KLHL1: variants seen among roughly 807,000 people sequenced by gnomAD.
KLHL1 encodes the protein kelch like family member 1.
In KLHL1, 47 loss-of-function variants were observed where a neutral mutation model predicts 77.7. That is an observed-to-expected ratio of 0.60 (90% CI 0.48 to 0.77). The LOEUF is 0.77. Ranked by LOEUF, KLHL1 falls within the 30% of genes least tolerant of loss-of-function variation. KLHL1 has a pLI of 0.00. For synonymous variants in KLHL1, 360 were observed against 325.2 expected (o/e 1.11, Z -1.15); for missense variants, 925 against 910.8 (o/e 1.02, Z -0.20).
At chr13:69,934,706 T>C (rs2138287879) in intron 4 of KLHL1, among the ~76,000 whole-genome samples, 1 of 151,816 alleles carries the variant, frequency 6.6e-6, no homozygotes, top group South Asian at 2.1e-4. Flanking sequence ...ACCTCTCTTC[T>C]TGTCCCTCTC....
intron 7 of KLHL1, among the ~76,000 whole-genome samples, chr13:69,744,664 C>A (rs1042959820): frequency 2.6e-5 from 4 of 151,744 alleles, no homozygotes; most frequent in East Asian, 1.9e-4. Flanking sequence ...GTACACCCCC[C>A]CCAAAAGCTA....
intron 7 of KLHL1, among the ~76,000 whole-genome samples, chr13:69,761,677 G>A (rs752046071): frequency 8.5e-5 from 13 of 152,098 alleles, no homozygotes; most frequent in African/African-American, 2.7e-4. Flanking sequence ...CAATGATAAC[G>A]CATTTAATAA....
chr13:69,893,668 A>G (rs1424481179), intron 4 of KLHL1, among the ~76,000 whole-genome samples: 2 of 152,240 alleles, frequency 1.3e-5, no homozygotes, highest in Non-Finnish European at 2.9e-5. Flanking sequence ...AAGTTGGTAC[A>G]AAACATAAAT....
chr13:69,827,987 G>T (rs1301109799), intron 6 of KLHL1, among the ~76,000 whole-genome samples: 1 of 150,114 alleles, frequency 6.7e-6, no homozygotes, highest in African/African-American at 2.5e-5. Context: ...TTGGAAGAAG[G>T]TATTTGTAAT....
At chr13:69,998,085 T>C (rs1192489145) in intron 1 of KLHL1, among the ~76,000 whole-genome samples, 1 of 152,042 alleles carries the variant, frequency 6.6e-6, no homozygotes, top group South Asian at 2.1e-4. Context: ...CAAGTTTTGA[T>C]AGGTCCTTTA....
At chr13:69,812,941 A>C (rs1380263796) in intron 6 of KLHL1, among the ~76,000 whole-genome samples, 3 of 146,216 alleles carry the variant, frequency 2.1e-5, no homozygotes, top group Non-Finnish European at 4.5e-5. Flanking sequence ...CTAGAACTAG[A>C]AATACCATTT....
rs540553349 is a variant in KLHL1, at chr13:70,081,225, G to C, written c.497+25978C>G. ...CAACTCTAGGTAACTGGTACCACTG[G>C]CTCATTAACTTTCTACTGTTGTATA... is the stretch of plus-strand genomic sequence containing the variant. On this transcript the variant is annotated intron_variant, in intron 1 of 10. Coordinates refer to ENST00000377844, the MANE Select transcript of KLHL1 (RefSeq NM_020866.3). Among the ~76,000 whole-genome samples, 4 of 152,182 alleles carry C rather than the reference G, an allele frequency of 2.6e-5. No individual in the cohort carries two copies. The South Asian group carries it at 8.3e-4, about 32-fold the overall frequency.
At chr13:69,858,567 C>T (rs1425261402) in intron 5 of KLHL1, among the ~76,000 whole-genome samples, 2 of 151,954 alleles carry the variant, frequency 1.3e-5, no homozygotes, top group Non-Finnish European at 2.9e-5. Context: ...TATCATGTTC[C>T]TGCCCATGAT....
intron 4 of KLHL1, among the ~76,000 whole-genome samples, chr13:69,896,670 ATT>A (rs555215455): frequency 1.3e-4 from 19 of 143,510 alleles, no homozygotes; most frequent in South Asian, 2.3e-4. Context: ...AAGTATTAAA[ATT>A]TTTTTTTTTT....
chr13:70,063,100 A>G (rs1270102771), intron 1 of KLHL1, among the ~76,000 whole-genome samples: 1 of 152,092 alleles, frequency 6.6e-6, no homozygotes, highest in African/African-American at 2.4e-5. Flanking sequence ...ATTCCCCTGA[A>G]CAGAACCCAG....
Position 69,817,853 on chromosome 13 carries a change from T to G in KLHL1, c.1415-20891A>C, listed in dbSNP as rs1193073115. 2.0e-5 allele frequency among the ~76,000 whole-genome samples: 3 copies of G among 152,218 alleles called. No homozygotes were observed. The East Asian group carries it at 5.8e-4, about 29-fold the overall frequency. On this transcript the variant is annotated intron_variant, in intron 6 of 10. Transcript: ENST00000377844. ...CCTTTTATCATAGCACATGAATTTT[T>G]TATTCAGTCTGCATTCATACAGTCT...
rs145432312 is a variant in KLHL1 at position 70,087,725 on chromosome 13, C to T, written c.497+19478G>A. ...ACAACCAGAGCTTTTGGAAACAAGG[C>T]CTTCTGATGGAGTAATAAAATAGAT... On this transcript the variant is annotated intron_variant, in intron 1 of 10. Transcript: ENST00000377844. Among the ~76,000 whole-genome samples the T allele has an allele frequency of 6.9e-3, 1,046 of 152,164 alleles. 5 individuals are homozygous for T. The highest frequency in any genetic ancestry group is 0.011 in the Non-Finnish European group (782 of 68,020).
At chr13:69,944,752 T>C (rs186960141) in intron 3 of KLHL1, among the ~76,000 whole-genome samples, 1 of 152,196 alleles carries the variant, frequency 6.6e-6, no homozygotes, top group Admixed American at 6.6e-5. Flanking sequence ...ACCTATATAA[T>C]CCAAACAATT....
At chr13:69,841,934 T>TG (rs1879278136) in intron 5 of KLHL1, among the ~76,000 whole-genome samples, 1 of 151,676 alleles carries the variant, frequency 6.6e-6, no homozygotes, top group African/African-American at 2.4e-5. Context: ...AACTTACACT[T>TG]GGGAAAGGAC....
At chr13:69,795,704 G>A (rs1029428592) in intron 7 of KLHL1, among the ~76,000 whole-genome samples, 28 of 152,098 alleles carry the variant, frequency 1.8e-4, no homozygotes, top group African/African-American at 6.8e-4. Flanking sequence ...CAGTTTAAAT[G>A]CTGGCCCCAA....
At chr13:69,939,673 T>C (rs1323213501) in intron 4 of KLHL1, among the ~76,000 whole-genome samples, 3 of 152,098 alleles carry the variant, frequency 2.0e-5, no homozygotes. Flanking sequence ...GCTTCCTGAA[T>C]GCAACACGTG....
At chr13:69,818,974 T>A (rs1878233392) in intron 6 of KLHL1, among the ~76,000 whole-genome samples, 1 of 152,218 alleles carries the variant, frequency 6.6e-6, no homozygotes, top group Admixed American at 6.5e-5. Context: ...AACGGTCAGG[T>A]TTCTCTGACA....
intron 4 of KLHL1, among the ~76,000 whole-genome samples, chr13:69,933,366 T>TAAA (rs1172942372): frequency 2.0e-5 from 3 of 152,148 alleles, no homozygotes; most frequent in African/African-American, 7.2e-5. Context: ...AAAACAAGAA[T>TAAA]ATTTAAAGTT....
chr13:69,954,294 A>C (rs1883801055), intron 3 of KLHL1, among the ~76,000 whole-genome samples: 1 of 151,388 alleles, frequency 6.6e-6, no homozygotes, highest in African/African-American at 2.4e-5. Context: ...AAAGTGTATA[A>C]GTATTTTGAA....
Sources: gnomAD v4.1 joint callset for allele counts (sites outside exome capture counted in the v4.1 genomes callset) on GRCh38, gnomAD v4.1.1 for gene constraint, MANE v1.5 for transcripts, NCBI Gene and HGNC (gene_info 2026-07-23, HGNC 2026-07-21) for gene names.